MTA3: variants seen among roughly 807,000 people sequenced by gnomAD.
MTA3 encodes the protein metastasis associated 1 family member 3.
MTA3 carries 34 observed loss-of-function variants against 83.5 expected under a neutral mutation model. That is an observed-to-expected ratio of 0.41 (90% CI 0.31 to 0.54). The LOEUF is 0.54. Ranked by LOEUF, MTA3 falls within the 20% of genes least tolerant of loss-of-function variation. The pLI is 0.33. For missense variants in MTA3, 761 were observed against 726.4 expected, an observed-to-expected ratio of 1.05 and a Z score of -0.55; for synonymous variants, 303 against 252.7, an observed-to-expected ratio of 1.20 and a Z score of -1.89.
chr2:42,725,922 G>A (rs1215108047), intron 16 of MTA3, among the ~76,000 whole-genome samples: 1 of 152,178 alleles, frequency 6.6e-6, no homozygotes, highest in Non-Finnish European at 1.5e-5. Context: ...GTTAGAAAGT[G>A]CCCACATTCT....
At chr2:42,719,164 A>G (rs1667234384) in intron 15 of MTA3, 90 bp downstream of exon 15, 2 of 941,326 alleles carry the variant, frequency 2.1e-6, no homozygotes, top group Non-Finnish European at 3.3e-6. Context: ...ACCTAAACTA[A>G]TTCAGGCCCT....
intron 3 of MTA3, among the ~76,000 whole-genome samples, chr2:42,591,739 C>T (rs1347618525): frequency 6.6e-6 from 1 of 152,092 alleles, no homozygotes; most frequent in African/African-American, 2.4e-5. Flanking sequence ...CAATCTCCGC[C>T]TTCCAGGTTC....
chr2:42,548,846 A>AAT (rs377534429), intron 2 of MTA3, among the ~76,000 whole-genome samples: 424 of 14,818 alleles, frequency 0.029, 43 homozygotes, highest in Non-Finnish European at 0.039. Flanking sequence ...ATATATATAT[A>AAT]ATATATATAT....
chr2:42,723,164 G>T (rs1312619012), intron 16 of MTA3, 129 bp downstream of exon 16: 4 of 1,106,076 alleles, frequency 3.6e-6, no homozygotes, highest in East Asian at 5.2e-5. Context: ...TGTGGTTGAG[G>T]AATAAGGGGG....
chr2:42,736,166 C>T (rs936028600), intron 16 of MTA3, among the ~76,000 whole-genome samples: 2 of 152,206 alleles, frequency 1.3e-5, no homozygotes, highest in Non-Finnish European at 2.9e-5. Flanking sequence ...TTAGGGGGCA[C>T]CTCCAGCCCA....
chr2:42,500,738 C>T (rs1674357966), intron 2 of MTA3, among the ~76,000 whole-genome samples: 1 of 150,716 alleles, frequency 6.6e-6, no homozygotes, highest in Non-Finnish European at 1.5e-5. Context: ...ACTTTATTAA[C>T]AAGTACAGCA....
intron 4 of MTA3, among the ~76,000 whole-genome samples, chr2:42,633,610 G>A (rs913345573): frequency 6.6e-6 from 1 of 150,826 alleles, no homozygotes; most frequent in African/African-American, 2.4e-5. Flanking sequence ...TCATATTCTT[G>A]GCTGGGCGCG....
chr2:42,509,994 C>G (rs1406951593), intron 2 of MTA3, among the ~76,000 whole-genome samples: 1 of 151,910 alleles, frequency 6.6e-6, no homozygotes, highest in Non-Finnish European at 1.5e-5. Flanking sequence ...CACTGCTTTC[C>G]CCCCATACCT....
Position 42,712,551 on chromosome 2 carries a change from A to G in MTA3, c.1525+3455A>G, listed in dbSNP as rs573642493. Among the ~76,000 whole-genome samples, 6 of 152,322 alleles carry G rather than the reference A, an allele frequency of 3.9e-5. No homozygotes were observed. In the South Asian group the frequency reaches 1.2e-3, roughly 32 times the overall value. The stretch of plus-strand genomic sequence containing the variant: ...TAAATATTATTTTAATAATCTTTAT[A>G]TGTGAATGTATAAATCCATGCCAAA... On this transcript the variant is annotated intron_variant, in intron 14 of 16. Transcript: ENST00000405094.
chr2:42,659,682 C>G, intron 7 of MTA3, 81 bp from the exon 8 acceptor site: 1 of 1,049,238 alleles, frequency 9.5e-7, no homozygotes, highest in Non-Finnish European at 1.3e-6. Context: ...ATTTACTATC[C>G]AAATGTGTTT....
intron 2 of MTA3, among the ~76,000 whole-genome samples, chr2:42,537,176 C>T (rs1361939828): frequency 1.3e-5 from 2 of 152,164 alleles, no homozygotes; most frequent in African/African-American, 4.8e-5. Context: ...ACACCTCTGT[C>T]GTGTTCCTTC....
chr2:42,756,860 A>G lies in MTA3; in HGVS notation c.*3461A>G. The G allele has an allele frequency of 1.0e-6, 1 of 985,452 alleles. No homozygotes were observed. The highest frequency in any genetic ancestry group is 1.2e-6 in the Non-Finnish European group (1 of 829,954). 61.0% of individuals were successfully genotyped at this position (985,452 alleles called of 1,614,324 possible). ...CGCAGGATAATTCGTTCTGAGCATG[A>G]TACCACAGTGTGGATTGTCTGTCTG... On this transcript the variant is annotated 3_prime_UTR_variant, in exon 17 of 17. Coordinates refer to ENST00000405094, the MANE Select transcript of MTA3 (RefSeq NM_001330442.2).
At chr2:42,576,461 A>T (rs1001170601) in intron 2 of MTA3, among the ~76,000 whole-genome samples, 21 of 152,172 alleles carry the variant, frequency 1.4e-4, no homozygotes, top group Non-Finnish European at 2.8e-4. Context: ...GAAAATCCAA[A>T]TAATGATTTA....
chr2:42,524,557 C>T (rs1675593089), intron 2 of MTA3, among the ~76,000 whole-genome samples: 1 of 147,794 alleles, frequency 6.8e-6, no homozygotes, highest in Non-Finnish European at 1.5e-5. Context: ...ATCTCCTGAC[C>T]TCGTGATCTG....
intron 16 of MTA3, among the ~76,000 whole-genome samples, chr2:42,739,801 C>A (rs538960758): frequency 3.8e-4 from 58 of 152,314 alleles, no homozygotes; most frequent in Admixed American, 3.2e-3. Flanking sequence ...ATGTTCACAG[C>A]GTGTTCAGGA....
intron 3 of MTA3, among the ~76,000 whole-genome samples, chr2:42,596,784 A>G (rs1681836130): frequency 1.3e-5 from 2 of 152,098 alleles, no homozygotes; most frequent in Admixed American, 6.6e-5. Context: ...ATACAGGCTC[A>G]TGTTGTATAT....
intron 3 of MTA3, among the ~76,000 whole-genome samples, chr2:42,586,963 C>G (rs976697065): frequency 6.6e-6 from 1 of 152,128 alleles, no homozygotes; most frequent in African/African-American, 2.4e-5. Context: ...GTGGAGGTTG[C>G]AGTGAGCTGA....
chr2:42,531,312 A>G (rs1423933143), intron 2 of MTA3, among the ~76,000 whole-genome samples: 1 of 152,190 alleles, frequency 6.6e-6, no homozygotes, highest in Non-Finnish European at 1.5e-5. Flanking sequence ...GACAAATGCT[A>G]TAACCACTAT....
At chr2:42,500,819 T>TC (rs1318071189) in intron 2 of MTA3, among the ~76,000 whole-genome samples, 2 of 151,328 alleles carry the variant, frequency 1.3e-5, no homozygotes, top group African/African-American at 4.9e-5. Flanking sequence ...AGCTTTTTTT[T>TC]TTTTTTTTTG....
Sources: allele counts gnomAD v4.1 joint callset (sites outside exome capture counted in the v4.1 genomes callset), GRCh38; gene constraint gnomAD v4.1.1; transcripts MANE v1.5; gene names NCBI Gene and HGNC (gene_info 2026-07-23, HGNC 2026-07-21).